DLGAP2: variants seen among roughly 807,000 people sequenced by gnomAD.
The protein encoded by DLGAP2 is DLG associated protein 2, also known as disks large-associated protein 2.
A neutral mutation model predicts 100.3 loss-of-function variants in DLGAP2; 26 were observed. The ratio of observed to expected loss-of-function variants is 0.26; its 90% confidence interval spans 0.19 to 0.36. The LOEUF is 0.36. Among genes scored for constraint, DLGAP2 ranks in the 10% least tolerant of loss-of-function variants. The probability of loss-of-function intolerance (pLI) is 1.00; values close to 1 mark genes in which losing one functional copy is unlikely to be tolerated. For missense variants in DLGAP2, 1,858 were observed against 1,453.2 expected, an observed-to-expected ratio of 1.28 and a Z score of -4.53; for synonymous variants, 886 against 630.1, an observed-to-expected ratio of 1.41 and a Z score of -6.08.
chr8:1,214,189 C>T (rs868608378), intron 2 of DLGAP2, among the ~76,000 whole-genome samples: 13 of 152,216 alleles, frequency 8.5e-5, no homozygotes, highest in African/African-American at 3.1e-4. Flanking sequence ...TGCCACCCAG[C>T]AGGTGTCTTT....
chr8:1,534,585 A>T (rs1195938913), intron 4 of DLGAP2, among the ~76,000 whole-genome samples: 3 of 152,240 alleles, frequency 2.0e-5, no homozygotes, highest in African/African-American at 7.2e-5. Context: ...CAATCAAAAG[A>T]CATCTATGAG....
intron 8 of DLGAP2, among the ~76,000 whole-genome samples, chr8:1,647,482 C>T (rs1798067286): frequency 1.3e-5 from 1 of 79,670 alleles, no homozygotes; most frequent in African/African-American, 4.4e-5. Flanking sequence ...GAGAGAGACT[C>T]TGTCTCAAAA....
intron 8 of DLGAP2, among the ~76,000 whole-genome samples, chr8:1,634,661 G>C (rs985634986): frequency 1.3e-5 from 2 of 152,156 alleles, no homozygotes; most frequent in African/African-American, 4.8e-5. Flanking sequence ...ACTTTCAGCA[G>C]TATTTGTTTA....
chr8:1,269,620 A>G (rs1007721260), intron 3 of DLGAP2, among the ~76,000 whole-genome samples: 16 of 152,130 alleles, frequency 1.1e-4, no homozygotes, highest in Non-Finnish European at 1.9e-4. Context: ...CCCATTACGA[A>G]GGAGTGAAAT....
In DLGAP2 at chr8:835,570, G is replaced by T. The variant is rs570097811; in HGVS notation, c.19-72342G>T. 2.0e-5 allele frequency among the ~76,000 whole-genome samples: 3 copies of T among 151,952 alleles called. No individual in the cohort carries two copies. In the East Asian group the frequency reaches 5.8e-4, roughly 30 times the overall value. On this transcript the variant is annotated intron_variant, in intron 1 of 14. Transcript: ENST00000637795. ...TGGTCCCCCGTGCTCCTGTGTCCGG[G>T]GGTTCGTTTGTGGCTGGCCCTGCTG... is the stretch of plus-strand genomic sequence containing the variant.
At chr8:1,382,923 G>A (rs532785498) in intron 3 of DLGAP2, among the ~76,000 whole-genome samples, 1 of 152,250 alleles carries the variant, frequency 6.6e-6, no homozygotes, top group Non-Finnish European at 1.5e-5. Context: ...GTGTGTGTGT[G>A]CGTGTGTGTG....
At chr8:800,300 G>C (rs1796121832) in intron 1 of DLGAP2, among the ~76,000 whole-genome samples, 1 of 152,244 alleles carries the variant, frequency 6.6e-6, no homozygotes, top group South Asian at 2.1e-4. Context: ...TTAAAGATTA[G>C]AGGGCAAATG....
At chr8:1,229,739 C>T (rs1798494959) in intron 2 of DLGAP2, among the ~76,000 whole-genome samples, 1 of 152,162 alleles carries the variant, frequency 6.6e-6, no homozygotes, top group Admixed American at 6.5e-5. Flanking sequence ...AAATGCAGTT[C>T]ACCACATAAA....
At chr8:1,278,836 C>G (rs987383632) in intron 3 of DLGAP2, among the ~76,000 whole-genome samples, 2 of 152,164 alleles carry the variant, frequency 1.3e-5, no homozygotes, top group Admixed American at 6.5e-5. Context: ...ATTTCTTAGT[C>G]TTTCCAGAGG....
At chr8:1,468,254 T>A (rs1414319981) in intron 3 of DLGAP2, among the ~76,000 whole-genome samples, 1 of 150,556 alleles carries the variant, frequency 6.6e-6, no homozygotes, top group Non-Finnish European at 1.5e-5. Context: ...AATTGTGCCC[T>A]GTTCACACAG....
intron 1 of DLGAP2, among the ~76,000 whole-genome samples, chr8:794,657 CA>C (rs35997655): frequency 0.13 from 20,117 of 152,212 alleles, 1,901 homozygotes; most frequent in East Asian, 0.54. Context: ...TGTAAACCCA[CA>C]ACCTTCCAGC....
chr8:1,072,545 G>A (rs977713124), intron 2 of DLGAP2, among the ~76,000 whole-genome samples: 47 of 152,176 alleles, frequency 3.1e-4, no homozygotes, highest in African/African-American at 1.1e-3. Flanking sequence ...CGGTAGTGCA[G>A]GCACCTGGCA....
chr8:1,666,507 C>G (rs547512190), intron 8 of DLGAP2, among the ~76,000 whole-genome samples: 5 of 151,934 alleles, frequency 3.3e-5, no homozygotes, highest in East Asian at 3.9e-4. Context: ...ATGGTGAAAC[C>G]CTGTCTCTAT....
chr8:1,492,015 C>G (rs1269943537), intron 3 of DLGAP2, among the ~76,000 whole-genome samples: 1 of 152,186 alleles, frequency 6.6e-6, no homozygotes. Flanking sequence ...TCTGTTCTGA[C>G]AGAGGCACTG....
intron 4 of DLGAP2, among the ~76,000 whole-genome samples, chr8:1,510,890 T>G (rs1296975991): frequency 3.3e-5 from 5 of 152,326 alleles, no homozygotes; most frequent in African/African-American, 1.2e-4. Context: ...AATAAGGAAT[T>G]GTGTTTGGAG....
intron 3 of DLGAP2, among the ~76,000 whole-genome samples, chr8:1,462,570 A>G (rs1024004279): frequency 1.3e-5 from 2 of 151,822 alleles, no homozygotes; most frequent in Non-Finnish European, 2.9e-5. Context: ...TCAGGTTGGG[A>G]GAAGGTGCTG....
At chr8:1,558,191 C>T (rs933048934) in intron 5 of DLGAP2, among the ~76,000 whole-genome samples, 4 of 152,188 alleles carry the variant, frequency 2.6e-5, no homozygotes, top group Non-Finnish European at 4.4e-5. Context: ...TGTCCATGAG[C>T]CCGTGGCTCC....
chr8:1,281,809 C>A (rs932494347), intron 3 of DLGAP2, among the ~76,000 whole-genome samples: 13 of 152,328 alleles, frequency 8.5e-5, no homozygotes, highest in African/African-American at 3.1e-4. Context: ...CCCACCCCAC[C>A]AGCCTTTGAT....
chr8:801,553 C>A (rs867129243), intron 1 of DLGAP2, among the ~76,000 whole-genome samples: 1 of 152,182 alleles, frequency 6.6e-6, no homozygotes, highest in Non-Finnish European at 1.5e-5. Flanking sequence ...CTGCCTGGTT[C>A]GGCCTTAGCC....
Sources: gnomAD v4.1 joint callset for allele counts (sites outside exome capture counted in the v4.1 genomes callset) on GRCh38, gnomAD v4.1.1 for gene constraint, MANE v1.5 for transcripts, NCBI Gene and HGNC (gene_info 2026-07-23, HGNC 2026-07-21) for gene names.